The following SORCS2 variants were observed in gnomAD, a reference collection of about 807,000 sequenced individuals.
The protein encoded by SORCS2 is VPS10 domain-containing receptor SorCS2.
A neutral mutation model predicts 141.6 loss-of-function variants in SORCS2; 100 were observed. That is an observed-to-expected ratio of 0.71 (90% CI 0.60 to 0.83). SORCS2 has a LOEUF of 0.83. Ranked by LOEUF, SORCS2 falls within the 40% of genes least tolerant of loss-of-function variation. The probability of loss-of-function intolerance (pLI) is 0.00; values close to 1 mark genes in which losing one functional copy is unlikely to be tolerated. For missense variants in SORCS2, 1,646 were observed against 1,560.2 expected (o/e 1.05, Z -0.93); for synonymous variants, 789 against 676.9 (o/e 1.17, Z -2.57).
chr4:7,707,265 G>A (rs1577099299), intron 14 of SORCS2, among the ~76,000 whole-genome samples: 3 of 152,292 alleles, frequency 2.0e-5, no homozygotes, highest in Non-Finnish European at 4.4e-5. Flanking sequence ...CTGGCTTTAG[G>A]GACCTCTGAT....
chr4:7,327,145 A>G (rs972884599), intron 1 of SORCS2, among the ~76,000 whole-genome samples: 4 of 152,208 alleles, frequency 2.6e-5, no homozygotes, highest in African/African-American at 9.7e-5. Flanking sequence ...TGCCGCCGCA[A>G]CGTTCCACCG....
chr4:7,339,457 A>G (rs1443112601), intron 1 of SORCS2, among the ~76,000 whole-genome samples: 7 of 152,220 alleles, frequency 4.6e-5, no homozygotes, highest in Non-Finnish European at 7.3e-5. Flanking sequence ...GGCTGGGTTC[A>G]TCTGCAGCTG....
intron 2 of SORCS2, among the ~76,000 whole-genome samples, chr4:7,519,206 A>T (rs11730089): frequency 2.0e-5 from 3 of 152,194 alleles, no homozygotes; most frequent in Admixed American, 6.5e-5. Context: ...ATGACCAGGG[A>T]GCTTCCAGGA....
chr4:7,405,112 G>A (rs1449381000), intron 2 of SORCS2, among the ~76,000 whole-genome samples: 4 of 151,964 alleles, frequency 2.6e-5, no homozygotes, highest in Non-Finnish European at 2.9e-5. Flanking sequence ...TGAAGAGTGT[G>A]TGTTTTTCCT....
At chr4:7,650,741 CCCAGCCCAGCCCA>C (rs1721390244) in intron 4 of SORCS2, among the ~76,000 whole-genome samples, 1 of 136,246 alleles carries the variant, frequency 7.3e-6, no homozygotes, top group African/African-American at 2.8e-5. Flanking sequence ...CCCAGCCCAG[CCCAGCCCAGCCCA>C]GCCCAGCCCA....
intron 3 of SORCS2, among the ~76,000 whole-genome samples, chr4:7,630,762 G>A (rs1719837234): frequency 6.6e-6 from 1 of 152,194 alleles, no homozygotes; most frequent in Non-Finnish European, 1.5e-5. Flanking sequence ...TGCAGTGTTT[G>A]TTCGCCTCCG....
chr4:7,594,832 C>T (rs1455485950), intron 3 of SORCS2, among the ~76,000 whole-genome samples: 4 of 152,176 alleles, frequency 2.6e-5, no homozygotes, highest in African/African-American at 9.7e-5. Context: ...TCAATTTCCT[C>T]ATCTGTAAAC....
At chr4:7,254,407 ACAAG>A (rs149372955) in intron 1 of SORCS2, among the ~76,000 whole-genome samples, 1,836 of 152,298 alleles carry the variant, frequency 0.012, 41 homozygotes, top group East Asian at 0.059. Context: ...CTTAAGTGAA[ACAAG>A]CAAGGTACAG....
chr4:7,522,145 G>T (rs1560352886), intron 2 of SORCS2, among the ~76,000 whole-genome samples: 1 of 152,224 alleles, frequency 6.6e-6, no homozygotes, highest in Non-Finnish European at 1.5e-5. Flanking sequence ...CAAGGCCAGA[G>T]CTTGCAGGCG....
chr4:7,397,626 C>T (rs979712647), intron 2 of SORCS2, among the ~76,000 whole-genome samples: 9 of 152,186 alleles, frequency 5.9e-5, no homozygotes, highest in African/African-American at 1.9e-4. Context: ...TTAAAAATGT[C>T]TCGTTCCTCC....
intron 3 of SORCS2, among the ~76,000 whole-genome samples, chr4:7,596,174 T>C (rs192575234): frequency 2.4e-4 from 36 of 152,210 alleles, no homozygotes; most frequent in Admixed American, 1.0e-3. Flanking sequence ...GAAATAAGTA[T>C]ACGATAGAAT....
intron 2 of SORCS2, among the ~76,000 whole-genome samples, chr4:7,492,404 G>T (rs1023148285): frequency 6.6e-6 from 1 of 152,238 alleles, no homozygotes; most frequent in African/African-American, 2.4e-5. Context: ...AATGACAGGG[G>T]TCGTCCCTTC....
chr4:7,536,862 G>A (rs1310717670), intron 3 of SORCS2, among the ~76,000 whole-genome samples: 2 of 149,576 alleles, frequency 1.3e-5, no homozygotes, highest in South Asian at 2.1e-4. Flanking sequence ...GGCCCACCTC[G>A]AGGTCACCAT....
intron 3 of SORCS2, among the ~76,000 whole-genome samples, chr4:7,635,003 T>C (rs1720150261): frequency 6.6e-6 from 1 of 152,170 alleles, no homozygotes; most frequent in Non-Finnish European, 1.5e-5. Context: ...CAGCCTAAGA[T>C]GTACTGTGGT....
intron 1 of SORCS2, among the ~76,000 whole-genome samples, chr4:7,372,510 G>T (rs1722323510): frequency 6.6e-6 from 1 of 152,144 alleles, no homozygotes; most frequent in Non-Finnish European, 1.5e-5. Context: ...GTTTCACCAT[G>T]TTGGCCAGGC....
intron 1 of SORCS2, among the ~76,000 whole-genome samples, chr4:7,250,969 G>A (rs540407676): frequency 6.8e-4 from 103 of 152,402 alleles, no homozygotes; most frequent in African/African-American, 2.4e-3. Flanking sequence ...TGGTGAGGAC[G>A]CTGGAGTGGG....
rs1213242509 is a variant in SORCS2 at position 7,676,951 on chromosome 4, TG to T, written c.1341+723del. ...CTCTCCCTCTCTCCCTCTCTCCCTC[TG>T]CCTTCCTCTCTCCACCCCAGCCCCT... On this transcript the variant is annotated intron_variant, in intron 9 of 26. Coordinates refer to ENST00000507866, the MANE Select transcript of SORCS2 (RefSeq NM_020777.3). Among the ~76,000 whole-genome samples, 40 of 23,632 alleles carry T rather than the reference TG, an allele frequency of 1.7e-3. 5 individuals are homozygous for T. The highest frequency in any genetic ancestry group is 3.8e-3 in the East Asian group (2 of 520). 15.5% of individuals were successfully genotyped at this position (23,632 alleles called of 152,430 possible). A position where few individuals can be genotyped will look rare whatever the true frequency, so the allele number is the denominator to read the frequency against.
chr4:7,635,422 G>A (rs1428138848), intron 3 of SORCS2, among the ~76,000 whole-genome samples: 3 of 152,080 alleles, frequency 2.0e-5, no homozygotes, highest in Non-Finnish European at 4.4e-5. Flanking sequence ...TCCTTCTAGC[G>A]CCACCACTTA....
intron 1 of SORCS2, among the ~76,000 whole-genome samples, chr4:7,360,067 A>G (rs1201732202): frequency 1.3e-5 from 2 of 152,210 alleles, no homozygotes; most frequent in African/African-American, 4.8e-5. Context: ...GAATCCTTAT[A>G]GTATTTTATT....
Sources: allele counts gnomAD v4.1 joint callset (sites outside exome capture counted in the v4.1 genomes callset), GRCh38; gene constraint gnomAD v4.1.1; transcripts MANE v1.5; gene names NCBI Gene and HGNC (gene_info 2026-07-23, HGNC 2026-07-21).